Variants in GLIS1 observed in about 807,000 individuals in gnomAD.
GLIS1 encodes zinc finger protein GLIS1.
Under a neutral mutation model 63.8 loss-of-function variants are expected in GLIS1, and 24 were observed. The ratio of observed to expected loss-of-function variants is 0.38; its 90% CI spans 0.27 to 0.53. The LOEUF is 0.53. GLIS1 is among the 20% of genes least tolerant of loss of function. The pLI is 0.85. For synonymous variants in GLIS1, 450 were observed against 482.5 expected, an observed-to-expected ratio of 0.93 and a Z score of 0.88; for missense variants, 1,036 against 1,074.1, an observed-to-expected ratio of 0.96 and a Z score of 0.50.
At chr1:53,545,988 C>T (rs1190297657) in intron 4 of GLIS1, among the ~76,000 whole-genome samples, 1 of 152,218 alleles carries the variant, frequency 6.6e-6, no homozygotes, top group East Asian at 1.9e-4. Flanking sequence ...CGATGGCTTC[C>T]AGAGGGGATC....
chr1:53,528,090 T>C (rs1041321500), intron 5 of GLIS1, among the ~76,000 whole-genome samples: 7 of 151,526 alleles, frequency 4.6e-5, no homozygotes, highest in Admixed American at 2.0e-4. Context: ...GAGACATAAC[T>C]GGGGGTGCTG....
At chr1:53,520,811 T>C in intron 6 of GLIS1, 45 bp from the exon 7 acceptor site, 1 of 1,551,588 alleles carries the variant, frequency 6.4e-7, no homozygotes, top group Non-Finnish European at 8.7e-7. Context: ...GTGAGACCCC[T>C]GCCCACCAGC....
At chr1:53,733,282 T>G (rs180860853) in intron 2 of GLIS1, among the ~76,000 whole-genome samples, 1 of 152,162 alleles carries the variant, frequency 6.6e-6, no homozygotes, top group Non-Finnish European at 1.5e-5. Context: ...TGAGATGAGG[T>G]TCATTTTGTT....
intron 4 of GLIS1, among the ~76,000 whole-genome samples, chr1:53,541,138 A>G (rs184090004): frequency 5.6e-4 from 85 of 152,262 alleles, no homozygotes; most frequent in African/African-American, 2.0e-3. Context: ...GGAGGCCACC[A>G]AGAGGACTCT....
intron 2 of GLIS1, among the ~76,000 whole-genome samples, chr1:53,735,850 C>A (rs1041599868): frequency 6.6e-6 from 1 of 152,082 alleles, no homozygotes; most frequent in African/African-American, 2.4e-5. Context: ...CTGGGTTTGT[C>A]TCGGGCCACT....
intron 2 of GLIS1, among the ~76,000 whole-genome samples, chr1:53,633,467 TG>T (rs1293313573): frequency 1.4e-5 from 2 of 143,614 alleles, no homozygotes; most frequent in Non-Finnish European, 3.2e-5. Flanking sequence ...TGTGAATGAG[TG>T]GCTGAGGGGT....
At chr1:53,604,024 A>G (rs796441296) in intron 2 of GLIS1, among the ~76,000 whole-genome samples, 1 of 152,350 alleles carries the variant, frequency 6.6e-6, no homozygotes, top group African/African-American at 2.4e-5. Context: ...ATCAAGCCTC[A>G]ATGTTCTTAT....
At chr1:53,737,348 A>G (rs557873013) in intron 2 of GLIS1, among the ~76,000 whole-genome samples, 17 of 152,370 alleles carry the variant, frequency 1.1e-4, no homozygotes, top group African/African-American at 4.1e-4. Context: ...GGTTTAATTA[A>G]TTCCTCACTT....
intron 2 of GLIS1, among the ~76,000 whole-genome samples, chr1:53,715,822 G>C (rs1646692566): frequency 6.6e-6 from 1 of 152,178 alleles, no homozygotes; most frequent in South Asian, 2.1e-4. Flanking sequence ...AGAGCAGTCG[G>C]TGGACTGAGG....
intron 2 of GLIS1, among the ~76,000 whole-genome samples, chr1:53,680,201 T>G (rs1401233197): frequency 6.6e-6 from 1 of 151,888 alleles, no homozygotes; most frequent in Non-Finnish European, 1.5e-5. Context: ...AAAAAAAAAT[T>G]CAGATCAAAT....
intron 3 of GLIS1, among the ~76,000 whole-genome samples, chr1:53,597,457 C>T (rs1645270563): frequency 6.6e-6 from 1 of 151,694 alleles, no homozygotes; most frequent in Admixed American, 6.6e-5. Flanking sequence ...GGATCTGGGC[C>T]TCCTGGGACC....
intron 4 of GLIS1, among the ~76,000 whole-genome samples, chr1:53,588,956 A>G (rs1364032455): frequency 6.6e-6 from 1 of 152,234 alleles, no homozygotes; most frequent in East Asian, 1.9e-4. Flanking sequence ...CTTCTCCCTC[A>G]GGATATCCCA....
intron 4 of GLIS1, among the ~76,000 whole-genome samples, chr1:53,562,153 T>C (rs1234707466): frequency 6.6e-6 from 1 of 152,120 alleles, no homozygotes; most frequent in African/African-American, 2.4e-5. Flanking sequence ...GGCGTCTGAA[T>C]TTGGGATGAT....
chr1:53,602,161 C>T (rs1022023994), intron 2 of GLIS1, among the ~76,000 whole-genome samples: 1 of 152,178 alleles, frequency 6.6e-6, no homozygotes, highest in Admixed American at 6.5e-5. Context: ...GCCAGCCCCT[C>T]GCAAGCTTAT....
At chr1:53,568,595 T>C (rs1644956042) in intron 4 of GLIS1, among the ~76,000 whole-genome samples, 1 of 152,170 alleles carries the variant, frequency 6.6e-6, no homozygotes, top group Non-Finnish European at 1.5e-5. Flanking sequence ...CAAATTGTAA[T>C]CCCCAGGTAT....
At chr1:53,624,560 A>G (rs1231596349) in intron 2 of GLIS1, among the ~76,000 whole-genome samples, 1 of 151,534 alleles carries the variant, frequency 6.6e-6, no homozygotes, top group South Asian at 2.1e-4. Context: ...TTTTTTAAAG[A>G]GACGGAGTCT....
chr1:53,657,879 A>G (rs1197221437), intron 2 of GLIS1, among the ~76,000 whole-genome samples: 2 of 151,954 alleles, frequency 1.3e-5, no homozygotes, highest in Non-Finnish European at 2.9e-5. Flanking sequence ...CAGATCATCC[A>G]CCCTTGCCCC....
In GLIS1 at chr1:53,594,110, T is replaced by C. The variant is rs763221218; in HGVS notation, c.1318A>G (p.Met440Val). 2.3e-5 allele frequency: 37 copies of C among 1,607,176 alleles called. No individual in the cohort carries two copies. Among genetic ancestry groups the C allele is most frequent in the Non-Finnish European group, 3.0e-5 (35 of 1,175,300 alleles). ...VHSGEKPNKC[M>V]FEGCSKAFSR... ...CCTGGCGGCCGGTGGGAACTCACCA[T>C]GCACTTGTTGGGCTTCTCGCCCGAG... Residue 440 changes from methionine (M) to valine (V), a missense_variant and splice_region_variant, in exon 4 of 11, where the codon ATG becomes GTG. Physicochemically the swap from Met to Val is conservative, Grantham distance 21. Transcript: ENST00000628545.
At chr1:53,648,276 C>T (rs1197334741) in intron 2 of GLIS1, among the ~76,000 whole-genome samples, 4 of 152,050 alleles carry the variant, frequency 2.6e-5, no homozygotes, top group African/African-American at 4.8e-5. Flanking sequence ...CATCATTAAT[C>T]GCCAGAAAAA....
Sources: gnomAD v4.1 joint callset for allele counts (sites outside exome capture counted in the v4.1 genomes callset) on GRCh38, gnomAD v4.1.1 for gene constraint, MANE v1.5 for transcripts, NCBI Gene and HGNC (gene_info 2026-07-23, HGNC 2026-07-21) for gene names.